Variants in KLRG1 observed in about 807,000 individuals in gnomAD.
KLRG1 encodes the protein killer cell lectin like receptor G1, also known as killer cell lectin-like receptor subfamily G member 1.
KLRG1 carries 16 observed loss-of-function variants against 21.8 expected under a neutral mutation model. That is an observed-to-expected ratio of 0.73 (90% CI 0.50 to 1.11). KLRG1 has a LOEUF of 1.11. KLRG1 is among the 50% of genes most tolerant of loss of function. KLRG1 has a pLI of 0.00. For synonymous variants in KLRG1, 69 were observed against 75.9 expected (o/e 0.91, Z 0.47); for missense variants, 173 against 218.3 (o/e 0.79, Z 1.31).
At chr12:9,215,459 T>C in the KLRG1 span, among the ~76,000 whole-genome samples, 1 of 152,070 alleles carries the variant, frequency 6.6e-6, no homozygotes, top group African/African-American at 2.4e-5. Context: ...ATTATTTTAA[T>C]TACGTTTTTA....
chr12:9,165,371 G>C, the KLRG1 span: 1 of 1,613,764 alleles, frequency 6.2e-7, no homozygotes, highest in Non-Finnish European at 8.5e-7. Context: ...TGATGAGCTG[G>C]GGAGGAGGGC....
the KLRG1 span, among the ~76,000 whole-genome samples, chr12:9,156,677 T>C: frequency 1.3e-5 from 2 of 152,378 alleles, no homozygotes; most frequent in South Asian, 2.1e-4. Flanking sequence ...ATGTCTATTA[T>C]GTTCTGCTCT....
At chr12:8,998,795 T>A (rs185463774) in intron 3 of KLRG1, among the ~76,000 whole-genome samples, 49 of 152,314 alleles carry the variant, frequency 3.2e-4, no homozygotes, top group Non-Finnish European at 3.7e-4. Flanking sequence ...ACAAGACAAC[T>A]TTTTCTACTA....
the KLRG1 span, among the ~76,000 whole-genome samples, chr12:9,069,428 A>C: frequency 6.6e-6 from 1 of 152,186 alleles, no homozygotes; most frequent in Non-Finnish European, 1.5e-5. Context: ...CTAATAATTG[A>C]CTAATCACAA....
At chr12:9,007,657 A>G (rs908771142) in intron 3 of KLRG1, among the ~76,000 whole-genome samples, 5 of 152,178 alleles carry the variant, frequency 3.3e-5, no homozygotes, top group Non-Finnish European at 5.9e-5. Context: ...AGAGCCCATA[A>G]ATGTTTACTC....
intron 3 of KLRG1, among the ~76,000 whole-genome samples, chr12:8,996,048 G>T (rs1947121901): frequency 1.3e-5 from 2 of 152,124 alleles, no homozygotes; most frequent in Admixed American, 1.3e-4. Context: ...TGTGGCAAGG[G>T]CTTAAATGCC....
At chr12:9,129,784 G>A in the KLRG1 span, among the ~76,000 whole-genome samples, 3 of 152,226 alleles carry the variant, frequency 2.0e-5, no homozygotes, top group African/African-American at 4.8e-5. Flanking sequence ...TCCTGACCTT[G>A]TGATCCACCC....
At chr12:9,027,924 G>A in the KLRG1 span, 4 of 878,516 alleles carry the variant, frequency 4.6e-6, no homozygotes, top group Non-Finnish European at 7.6e-6. Context: ...GCTAGATGAA[G>A]CGCTAGCTCT....
the KLRG1 span, among the ~76,000 whole-genome samples, chr12:9,206,313 G>A: frequency 8.6e-5 from 13 of 151,362 alleles, no homozygotes; most frequent in African/African-American, 2.4e-4. Context: ...AAGATATCAC[G>A]ATTAAAAATT....
At chr12:9,184,434 A>G in the KLRG1 span, among the ~76,000 whole-genome samples, 1 of 152,178 alleles carries the variant, frequency 6.6e-6, no homozygotes, top group South Asian at 2.1e-4. Context: ...GTCAGTGCAA[A>G]TGCATGCACA....
the KLRG1 span, among the ~76,000 whole-genome samples, chr12:9,048,349 G>A: frequency 6.6e-6 from 1 of 151,100 alleles, no homozygotes; most frequent in Non-Finnish European, 1.5e-5. Context: ...ACTAAGAAAC[G>A]CTTCCTAACC....
intron 1 of KLRG1, among the ~76,000 whole-genome samples, chr12:8,982,602 T>C (rs1480108885): frequency 6.6e-6 from 1 of 152,184 alleles, no homozygotes; most frequent in Non-Finnish European, 1.5e-5. Flanking sequence ...TAATCTGTCA[T>C]TATATTTAAA....
the KLRG1 span, chr12:9,165,194 C>T: frequency 6.2e-7 from 1 of 1,614,164 alleles, no homozygotes; most frequent in Admixed American, 1.7e-5. Context: ...GAAGACCTCT[C>T]CACGAATCAC....
the KLRG1 span, among the ~76,000 whole-genome samples, chr12:9,050,780 CT>C: frequency 6.6e-6 from 1 of 152,228 alleles, no homozygotes; most frequent in South Asian, 2.1e-4. Flanking sequence ...GGGAGCTCCC[CT>C]GGCGCAGGAC....
At chr12:8,971,727 G>T (rs1251302757) in intron 1 of KLRG1, among the ~76,000 whole-genome samples, 2 of 152,134 alleles carry the variant, frequency 1.3e-5, no homozygotes, top group African/African-American at 4.8e-5. Context: ...CTGACCTCAA[G>T]TGATCCGCCT....
chr12:9,149,118 T>A, the KLRG1 span: 1 of 839,482 alleles, frequency 1.2e-6, no homozygotes, highest in Non-Finnish European at 2.0e-6. Flanking sequence ...ATGGTAATTA[T>A]TTTAGGTTTA....
At chr12:9,169,015 T>G in the KLRG1 span, 1 of 1,390,940 alleles carries the variant, frequency 7.2e-7, no homozygotes, top group African/African-American at 1.4e-5. Context: ...TAAGCTTGAT[T>G]AGAATATATA....
chr12:9,166,992 T>C, the KLRG1 span: 1 of 152,192 alleles, frequency 6.6e-6, no homozygotes, highest in Non-Finnish European at 1.5e-5. Flanking sequence ...AGGAAAAATA[T>C]ATTTCTAGCA....
the KLRG1 span, among the ~76,000 whole-genome samples, chr12:9,206,271 A>C: frequency 6.6e-6 from 1 of 151,542 alleles, no homozygotes; most frequent in East Asian, 1.9e-4. Flanking sequence ...TAATTTATTT[A>C]CTATTTTTAT....
Sources: allele counts gnomAD v4.1 joint callset (sites outside exome capture counted in the v4.1 genomes callset), GRCh38; gene constraint gnomAD v4.1.1; transcripts MANE v1.5; gene names NCBI Gene and HGNC (gene_info 2026-07-23, HGNC 2026-07-21).